The following SUMF1 variants were observed in gnomAD, a reference collection of about 807,000 sequenced individuals.
SUMF1 encodes the protein sulfatase modifying factor 1.
A neutral mutation model predicts 47.6 loss-of-function variants in SUMF1; 48 were observed. The ratio of observed to expected loss-of-function variants is 1.01; its 90% CI spans 0.80 to 1.28. SUMF1 has a LOEUF of 1.28. Ranked by LOEUF, SUMF1 falls within the 50% of genes most tolerant of loss-of-function variation. The pLI is 0.00. For synonymous variants in SUMF1, 230 were observed against 192.1 expected, an observed-to-expected ratio of 1.20 and a Z score of -1.63; for missense variants, 571 against 485.4, an observed-to-expected ratio of 1.18 and a Z score of -1.66.
intron 7 of SUMF1, among the ~76,000 whole-genome samples, chr3:4,393,058 G>A (rs1559269374): frequency 6.6e-6 from 1 of 152,070 alleles, no homozygotes; most frequent in East Asian, 1.9e-4. Flanking sequence ...CTTATGTTTA[G>A]TTTCCCAGAA....
At chr3:4,305,941 T>TA (rs1698170910) in intron 8 of SUMF1, among the ~76,000 whole-genome samples, 1 of 152,238 alleles carries the variant, frequency 6.6e-6, no homozygotes, top group Non-Finnish European at 1.5e-5. Flanking sequence ...AACTTAGGAC[T>TA]AAGCATTGCT....
At chr3:4,357,897 C>T (rs1035328389), downstream of SUMF1, among the ~76,000 whole-genome samples, 11 of 151,982 alleles carry the variant, frequency 7.2e-5, no homozygotes, top group Middle Eastern at 3.2e-3. Context: ...CATGAGCCAC[C>T]GTGCCTGGCC....
intron 3 of SUMF1, among the ~76,000 whole-genome samples, chr3:4,447,553 T>C (rs1702822171): frequency 6.6e-6 from 1 of 151,994 alleles, no homozygotes; most frequent in Admixed American, 6.6e-5. Context: ...ACTCACATCT[T>C]ACTCTTCTGG....
At chr3:4,293,022 T>G (rs1213250342) in intron 8 of SUMF1, among the ~76,000 whole-genome samples, 3 of 152,118 alleles carry the variant, frequency 2.0e-5, no homozygotes, top group African/African-American at 7.2e-5. Context: ...GCAAAGATGT[T>G]TGAAAATACT....
chr3:4,420,214 A>G (rs1334685618), intron 3 of SUMF1, 68 bp from the exon 4 acceptor site: 1 of 1,237,248 alleles, frequency 8.1e-7, no homozygotes, highest in African/African-American at 1.5e-5. Context: ...TCAACTCAGT[A>G]CATGCAGCAA....
At chr3:4,093,365 A>T (rs571582715) in intron 8 of SUMF1, among the ~76,000 whole-genome samples, 2 of 152,148 alleles carry the variant, frequency 1.3e-5, no homozygotes, top group South Asian at 4.2e-4. Flanking sequence ...GGCCACAAAA[A>T]CTCTCACTCT....
chr3:4,433,868 T>G (rs1162807250), intron 3 of SUMF1, among the ~76,000 whole-genome samples: 2 of 152,164 alleles, frequency 1.3e-5, no homozygotes, highest in African/African-American at 4.8e-5. Context: ...CACACCCCAC[T>G]GATGGATAAC....
At chr3:4,392,731 T>TTTTTGTTTTG (rs532350111) in intron 7 of SUMF1, among the ~76,000 whole-genome samples, 2 of 149,450 alleles carry the variant, frequency 1.3e-5, no homozygotes, top group African/African-American at 4.9e-5. Context: ...TTCCTGAAGG[T>TTTTTGTTTTG]TTTTGTTCTG....
chr3:4,394,841 T>C (rs889043310), intron 7 of SUMF1, among the ~76,000 whole-genome samples: 7 of 152,186 alleles, frequency 4.6e-5, no homozygotes, highest in African/African-American at 1.7e-4. Context: ...TAGCTTCTCC[T>C]GTATGAAATC....
intron 3 of SUMF1, among the ~76,000 whole-genome samples, chr3:4,438,196 A>G (rs1702463352): frequency 6.7e-6 from 1 of 149,450 alleles, no homozygotes; most frequent in African/African-American, 2.5e-5. Context: ...TCTCATAAAA[A>G]TATTTCAATA....
At chr3:4,344,211 G>A (rs1267798444) in intron 8 of SUMF1, among the ~76,000 whole-genome samples, 3 of 152,170 alleles carry the variant, frequency 2.0e-5, no homozygotes, top group South Asian at 2.1e-4. Flanking sequence ...CGTGACCCAC[G>A]GAGAGAAGGA....
At chr3:4,268,805 T>C (rs992209007) in intron 8 of SUMF1, among the ~76,000 whole-genome samples, 2 of 152,124 alleles carry the variant, frequency 1.3e-5, no homozygotes, top group African/African-American at 4.8e-5. Flanking sequence ...AGCTACTTAA[T>C]GCATTCTTCT....
chr3:4,210,013 G>C (rs1695745259), intron 8 of SUMF1, among the ~76,000 whole-genome samples: 1 of 152,136 alleles, frequency 6.6e-6, no homozygotes. Flanking sequence ...TCCTGCCTCA[G>C]CCTCCCGAGT....
intron 2 of SUMF1, among the ~76,000 whole-genome samples, chr3:4,452,651 G>A (rs1205777006): frequency 6.6e-6 from 1 of 152,198 alleles, no homozygotes; most frequent in Non-Finnish European, 1.5e-5. Flanking sequence ...CTAGCTGTGT[G>A]ATGTGGGGCA....
At chr3:4,331,628 G>C (rs1559229037) in intron 8 of SUMF1, among the ~76,000 whole-genome samples, 1 of 152,178 alleles carries the variant, frequency 6.6e-6, no homozygotes, top group Admixed American at 6.6e-5. Flanking sequence ...AGGAGTTCAA[G>C]TCCAGACTAT....
At chr3:4,074,665 C>T (rs773710679) in intron 8 of SUMF1, among the ~76,000 whole-genome samples, 9 of 151,898 alleles carry the variant, frequency 5.9e-5, no homozygotes, top group Admixed American at 1.3e-4. Flanking sequence ...ATATTACCAC[C>T]GATCCCATGG....
At chr3:4,402,350 G>C (rs1701239054) in intron 7 of SUMF1, among the ~76,000 whole-genome samples, 1 of 152,106 alleles carries the variant, frequency 6.6e-6, no homozygotes. Flanking sequence ...AGCTCCAACT[G>C]GTAGAGAACA....
chr3:4,450,197 T>C (rs561587528), intron 2 of SUMF1, among the ~76,000 whole-genome samples: 15 of 152,308 alleles, frequency 9.8e-5, no homozygotes, highest in African/African-American at 3.1e-4. Context: ...TGTGTGTAAA[T>C]AGCACACAGC....
intron 9 of SUMF1, among the ~76,000 whole-genome samples, chr3:4,046,725 A>T (rs934784047): frequency 6.6e-6 from 1 of 151,992 alleles, no homozygotes; most frequent in Non-Finnish European, 1.5e-5. Context: ...ACTATCTCTC[A>T]ATTAGACTAT....
Sources: allele counts gnomAD v4.1 joint callset (sites outside exome capture counted in the v4.1 genomes callset), GRCh38; gene constraint gnomAD v4.1.1; transcripts MANE v1.5; gene names NCBI Gene and HGNC (gene_info 2026-07-23, HGNC 2026-07-21).